C5orf58: variants seen among roughly 807,000 people sequenced by gnomAD.
The protein encoded by C5orf58 is chromosome 5 open reading frame 58.
C5orf58 carries 2 observed loss-of-function variants against 2.9 expected under a neutral mutation model. That is an observed-to-expected ratio of 0.69 (90% confidence interval 0.28 to 2.18). The LOEUF (loss-of-function observed/expected upper bound fraction) is 2.18. C5orf58 is among the 30% of genes most tolerant of loss of function. The pLI is 0.13. For missense variants in C5orf58, 96 were observed against 91.7 expected (o/e 1.05, Z -0.19); for synonymous variants, 37 against 33.4 (o/e 1.11, Z -0.37).
downstream of C5orf58, chr5:170,252,338 A>G: frequency 1.5e-6 from 1 of 667,742 alleles, no homozygotes; most frequent in South Asian, 1.9e-5. Context: ...AGCACCTAGC[A>G]GAATTCCTAG....
chr5:170,235,902 AT>A (rs1379983816), intron 3 of C5orf58, among the ~76,000 whole-genome samples: 1 of 152,194 alleles, frequency 6.6e-6, no homozygotes, highest in East Asian at 1.9e-4. Context: ...CCTAAAGTTA[AT>A]TCAGAGGTTT....
At chr5:170,248,549 A>G (rs1761350279), downstream of C5orf58, 4 of 794,194 alleles carry the variant, frequency 5.0e-6, no homozygotes, top group Non-Finnish European at 8.3e-6. Flanking sequence ...TTCATTTCAA[A>G]CACTGTTTTT....
rs767703831 is a variant in C5orf58, at chr5:170,234,213, A to G, written c.-1+15A>G. The stretch of plus-strand genomic sequence containing the variant: ...TTGACTTAAAGGTTAGTTTGTTTTC[A>G]TTATTTTGGACAAGCAGCTTGACCC... On this transcript the variant is annotated intron_variant, in intron 2 of 3. Coordinates refer to ENST00000593851, the MANE Select transcript of C5orf58 (RefSeq NM_001102609.3). The G allele has an allele frequency of 2.6e-5, 35 of 1,360,274 alleles. No homozygotes were observed. Among genetic ancestry groups the G allele is most frequent in the Admixed American group, 7.6e-5 (4 of 52,536 alleles). The allele number at this position is 1,360,274 out of a possible 1,614,324, so 84.3% of individuals were successfully genotyped here. A position where few individuals can be genotyped will look rare whatever the true frequency, so the allele number is the denominator to read the frequency against.
downstream of C5orf58, chr5:170,248,673 G>A (rs1173323678): frequency 6.3e-7 from 1 of 1,589,962 alleles, no homozygotes; most frequent in African/African-American, 1.5e-5. Context: ...CAGGAGGACG[G>A]TTCATTTGCT....
At position 170,245,317 on chromosome 5, in the gene C5orf58, A is replaced by G. The variant is rs374155530; in HGVS notation, c.95-645A>G. Among the ~76,000 whole-genome samples, 13 of 152,204 alleles carry G rather than the reference A, an allele frequency of 8.5e-5. No individual in the cohort carries two copies. The East Asian group carries it at 1.5e-3, about 18-fold the overall frequency. ...GGGCTCCACCCAGTTCGAGCTTCCC[A>G]GCTGCTTTGTTTACCTAATCAAGCC... is the stretch of plus-strand genomic sequence containing the variant. On this transcript the variant is annotated intron_variant, in intron 3 of 3. Transcript: ENST00000593851.
At chr5:170,235,358 CTA>C (rs1760700100) in intron 3 of C5orf58, among the ~76,000 whole-genome samples, 2 of 152,200 alleles carry the variant, frequency 1.3e-5, no homozygotes, top group Admixed American at 1.3e-4. Context: ...CCATTCAAGA[CTA>C]TGTCACATTC....
intron 3 of C5orf58, among the ~76,000 whole-genome samples, chr5:170,245,110 T>G (rs910114693): frequency 1.3e-5 from 2 of 152,212 alleles, no homozygotes; most frequent in African/African-American, 4.8e-5. Context: ...GGGACCCACT[T>G]GAGGAGGCAG....
chr5:170,251,732 C>G, exon 3 of C5orf58: 1 of 449,982 alleles, frequency 2.2e-6, no homozygotes, highest in Middle Eastern at 3.3e-4. Flanking sequence ...ATTAGAATTA[C>G]CTGGGAAGTT....
downstream of C5orf58, chr5:170,250,895 CA>C (rs1278821038): frequency 1.2e-5 from 20 of 1,611,738 alleles, no homozygotes; most frequent in Non-Finnish European, 1.7e-5. Context: ...CCTAAAAAGA[CA>C]AATTCCTGTT....
At position 170,252,075 on chromosome 5, in the gene C5orf58, G is replaced by A. The variant is rs146247659; in HGVS notation, c.*420G>A. The A allele has an allele frequency of 1.3e-3, 252 of 198,138 alleles. 1 individual carries two copies. The highest frequency in any genetic ancestry group is 4.7e-3 in the African/African-American group (205 of 43,530). The allele number at this position is 198,138 out of a possible 1,614,324, so 12.3% of individuals were successfully genotyped here. A position where few individuals can be genotyped will look rare whatever the true frequency, so the allele number is the denominator to read the frequency against. ...CCTTTCACATCAACATGGATGGCACGTCTGTGTTAAGAGGAAGATAGAACT... is the reference window on the plus strand; with the variant it reads ...CCTTTCACATCAACATGGATGGCACATCTGTGTTAAGAGGAAGATAGAACT... On this transcript the variant is annotated 3_prime_UTR_variant, in exon 3 of 3. Transcript: ENST00000517575.
chr5:170,244,256 C>G (rs903359178), intron 3 of C5orf58, among the ~76,000 whole-genome samples: 15 of 147,178 alleles, frequency 1.0e-4, no homozygotes, highest in Non-Finnish European at 1.7e-4. Context: ...AATTATGTGT[C>G]TTGGAGTTGC....
At chr5:170,244,847 A>T (rs1761186278) in intron 3 of C5orf58, among the ~76,000 whole-genome samples, 1 of 152,030 alleles carries the variant, frequency 6.6e-6, no homozygotes, top group Non-Finnish European at 1.5e-5. Context: ...TTGGAGGAGG[A>T]GAGGCGCTCT....
At chr5:170,235,324 C>T (rs962318248) in intron 3 of C5orf58, among the ~76,000 whole-genome samples, 6 of 152,190 alleles carry the variant, frequency 3.9e-5, no homozygotes, top group East Asian at 1.9e-4. Context: ...GTAAATTTTA[C>T]TTCCCTTCCT....
At chr5:170,244,594 T>C (rs1761169281) in intron 3 of C5orf58, among the ~76,000 whole-genome samples, 1 of 152,216 alleles carries the variant, frequency 6.6e-6, no homozygotes, top group African/African-American at 2.4e-5. Flanking sequence ...TTCTGCATTC[T>C]TCACGTAGTT....
intron 3 of C5orf58, chr5:170,237,313 G>A (rs926098096): frequency 4.3e-5 from 17 of 398,242 alleles, no homozygotes; most frequent in Non-Finnish European, 6.2e-5. Flanking sequence ...CATAATCCAG[G>A]ACTCTTCTAA....
chr5:170,250,994 C>G, downstream of C5orf58: 1 of 802,572 alleles, frequency 1.2e-6, no homozygotes, highest in Non-Finnish European at 2.0e-6. Context: ...GTCAGTTGCA[C>G]TTTGCAGCTT....
downstream of C5orf58, chr5:170,252,524 AT>A: frequency 1.4e-6 from 2 of 1,380,430 alleles, no homozygotes; most frequent in Non-Finnish European, 2.0e-6. Flanking sequence ...GAAAATGTAA[AT>A]TTTTAGAAAC....
downstream of C5orf58, chr5:170,247,032 A>G (rs1761314735): frequency 4.6e-5 from 7 of 152,220 alleles, no homozygotes; most frequent in Admixed American, 4.6e-4. Context: ...GAAATCTATC[A>G]GGTCCTTCAT....
At chr5:170,248,883 G>GT, downstream of C5orf58, 2 of 1,546,774 alleles carry the variant, frequency 1.3e-6, no homozygotes, top group Non-Finnish European at 1.8e-6. Flanking sequence ...TTCACTTTCA[G>GT]TTTTTTTATC....
Sources: gnomAD v4.1 joint callset for allele counts (sites outside exome capture counted in the v4.1 genomes callset) on GRCh38, gnomAD v4.1.1 for gene constraint, MANE v1.5 for transcripts, NCBI Gene and HGNC (gene_info 2026-07-23, HGNC 2026-07-21) for gene names.